The following STX16 variants were observed in gnomAD, a reference collection of about 807,000 sequenced individuals.
STX16 encodes the protein syntaxin 16, also known as syntaxin-16.
Under a neutral mutation model 42.7 loss-of-function variants are expected in STX16, and 28 were observed. The ratio of observed to expected loss-of-function variants is 0.66; its 90% confidence interval spans 0.49 to 0.90. The LOEUF (loss-of-function observed/expected upper bound fraction) is 0.90. Among genes scored for constraint, STX16 ranks in the 40% least tolerant of loss-of-function variants. The pLI is 0.00. For missense variants in STX16, 361 were observed against 420.9 expected, an observed-to-expected ratio of 0.86 and a Z score of 1.24; for synonymous variants, 156 against 155.2, an observed-to-expected ratio of 1.00 and a Z score of -0.04.
At chr20:58,652,584 C>T (rs958288989) in intron 1 of STX16, among the ~76,000 whole-genome samples, 19 of 152,124 alleles carry the variant, frequency 1.2e-4, no homozygotes, top group African/African-American at 3.9e-4. Flanking sequence ...GCAAAATGAA[C>T]GACTCCCTCC....
At position 58,679,462 on chromosome 20, in the gene STX16, CTT is replaced by C. The variant is rs35295928; in HGVS notation, c.*3175_*3176del. On this transcript the variant is annotated 3_prime_UTR_variant, in exon 9 of 9. Transcript: ENST00000371141. Reference sequence around the variant, plus strand: ...AAAACCAATTTACTGTTACTGGAAACTTTTTGTACAATAAAGCAATCACGCAG... The same window carrying C: ...AAAACCAATTTACTGTTACTGGAAACTTTGTACAATAAAGCAATCACGCAG... The C allele has an allele frequency of 0.054, 8,172 of 152,656 alleles. 284 individuals are homozygous for C. Among genetic ancestry groups the C allele is most frequent in the Middle Eastern group, 0.095 (28 of 294 alleles). The allele number at this position is 152,656 out of a possible 1,614,324, so 9.5% of individuals were successfully genotyped here.
intron 5 of STX16, among the ~76,000 whole-genome samples, chr20:58,670,046 A>T (rs1489795817): frequency 6.6e-6 from 1 of 152,214 alleles, no homozygotes; most frequent in Non-Finnish European, 1.5e-5. Flanking sequence ...AAGTCCCCAC[A>T]TACTCCAAAA....
At chr20:58,668,633 C>T (rs916774723) in intron 4 of STX16, among the ~76,000 whole-genome samples, 1 of 151,476 alleles carries the variant, frequency 6.6e-6, no homozygotes. Context: ...GAGAAAAGCC[C>T]TGGGGGGTTG....
intron 1 of STX16, among the ~76,000 whole-genome samples, chr20:58,659,403 C>A (rs1032099543): frequency 1.3e-5 from 2 of 150,720 alleles, no homozygotes; most frequent in African/African-American, 4.9e-5. Context: ...TTCAAAACAA[C>A]CACAGTAAAT....
chr20:58,664,158 G>A (rs924051371), intron 2 of STX16, among the ~76,000 whole-genome samples: 3 of 152,184 alleles, frequency 2.0e-5, no homozygotes, highest in African/African-American at 7.2e-5. Flanking sequence ...TGGAAAGTGA[G>A]GTTTCTGAAA....
chr20:58,663,771 G>A (rs218478), intron 2 of STX16, among the ~76,000 whole-genome samples: 63,312 of 151,942 alleles, frequency 0.42, 13,521 homozygotes, highest in East Asian at 0.56. Context: ...TCTGCCTTCC[G>A]GGTTCAAGTG....
intron 2 of STX16, among the ~76,000 whole-genome samples, chr20:58,663,533 C>T (rs796111379): frequency 7.9e-5 from 12 of 152,150 alleles, no homozygotes; most frequent in African/African-American, 2.9e-4. Flanking sequence ...AAGGATGGCT[C>T]TAGGTTAGGG....
At position 58,673,720 on chromosome 20, in the gene STX16, T is replaced by C. The variant is rs768517038; in HGVS notation, c.873+9T>C. 7.5e-6 allele frequency: 12 copies of C among 1,594,580 alleles called. No homozygotes were observed. The highest frequency in any genetic ancestry group is 1.0e-5 in the Non-Finnish European group (12 of 1,162,396). ...TGAAACAGCTTCACAAGGTAATATG[T>C]CTTTCAAGACTTGGGAATCTTAGGA... On this transcript the variant is annotated intron_variant, in intron 8 of 8. Transcript: ENST00000371141.
intron 1 of STX16, among the ~76,000 whole-genome samples, chr20:58,655,655 C>G (rs140441967): frequency 1.9e-4 from 29 of 152,264 alleles, no homozygotes; most frequent in African/African-American, 6.7e-4. Flanking sequence ...GCCTGTTAAT[C>G]CCAACTATTT....
At chr20:58,653,676 G>A (rs2083523652) in intron 1 of STX16, among the ~76,000 whole-genome samples, 1 of 152,196 alleles carries the variant, frequency 6.6e-6, no homozygotes, top group Non-Finnish European at 1.5e-5. Flanking sequence ...TGGAACTTCA[G>A]TAATGTTAAA....
intron 1 of STX16, among the ~76,000 whole-genome samples, chr20:58,658,887 C>T (rs1039866840): frequency 1.3e-5 from 2 of 152,160 alleles, no homozygotes; most frequent in Admixed American, 1.3e-4. Flanking sequence ...GTCTCGTTTG[C>T]TTGCTTTTAT....
chr20:58,671,468 G>A (rs939410275), intron 7 of STX16, among the ~76,000 whole-genome samples, 171 bp downstream of exon 7: 5 of 105,816 alleles, frequency 4.7e-5, no homozygotes, highest in African/African-American at 1.9e-4. Context: ...GTGTGTGTGT[G>A]TGTGTATATT....
intron 5 of STX16, among the ~76,000 whole-genome samples, chr20:58,669,881 C>T (rs1391875810): frequency 6.6e-6 from 1 of 152,160 alleles, no homozygotes; most frequent in East Asian, 1.9e-4. Flanking sequence ...CTGAGAAAAC[C>T]TCCCCAGGGT....
At chr20:58,667,728 G>A (rs2083870376) in intron 3 of STX16, 131 bp downstream of exon 3, 1 of 930,692 alleles carries the variant, frequency 1.1e-6, no homozygotes, top group African/African-American at 1.7e-5. Context: ...TTAGCTTTAG[G>A]TTAAGTTGTC....
intron 7 of STX16, among the ~76,000 whole-genome samples, chr20:58,671,804 A>G (rs1167938204): frequency 6.6e-6 from 1 of 152,200 alleles, no homozygotes; most frequent in African/African-American, 2.4e-5. Flanking sequence ...ATACAGGTTG[A>G]ACATTCCTAA....
chr20:58,674,025 T>C (rs1015610056), intron 8 of STX16, among the ~76,000 whole-genome samples: 2 of 152,254 alleles, frequency 1.3e-5, no homozygotes, highest in African/African-American at 2.4e-5. Flanking sequence ...TTTCTAATGC[T>C]TCTTGTTTTA....
At chr20:58,656,217 C>T (rs904532875) in intron 1 of STX16, among the ~76,000 whole-genome samples, 1 of 152,184 alleles carries the variant, frequency 6.6e-6, no homozygotes, top group Non-Finnish European at 1.5e-5. Context: ...TTCTCAAGTT[C>T]TGTTTTAATA....
At chr20:58,652,645 G>C (rs2083496100) in intron 1 of STX16, among the ~76,000 whole-genome samples, 1 of 151,706 alleles carries the variant, frequency 6.6e-6, no homozygotes, top group South Asian at 2.1e-4. Context: ...TTGTTTTTCC[G>C]CCCGTTTTCT....
intron 2 of STX16, among the ~76,000 whole-genome samples, chr20:58,665,864 G>A (rs2083813902): frequency 6.6e-6 from 1 of 152,198 alleles, no homozygotes; most frequent in Non-Finnish European, 1.5e-5. Context: ...CGTTCCCTGA[G>A]TGGACACGTG....
Sources: gnomAD v4.1 joint callset for allele counts (sites outside exome capture counted in the v4.1 genomes callset) on GRCh38, gnomAD v4.1.1 for gene constraint, MANE v1.5 for transcripts, NCBI Gene and HGNC (gene_info 2026-07-23, HGNC 2026-07-21) for gene names.